The following RGPD3 variants were observed in gnomAD, a reference collection of about 807,000 sequenced individuals.
RGPD3 encodes the protein ranBP2-like and GRIP domain-containing protein 3.
A neutral mutation model predicts 154.5 loss-of-function variants in RGPD3; 62 were observed. That is an observed-to-expected ratio of 0.40 (90% confidence interval 0.33 to 0.50). RGPD3 has a LOEUF of 0.50. Ranked by LOEUF, RGPD3 falls within the 20% of genes least tolerant of loss-of-function variation. RGPD3 has a pLI of 0.59. For missense variants in RGPD3, 919 were observed against 1,716.8 expected, an observed-to-expected ratio of 0.54 and a Z score of 8.21; for synonymous variants, 308 against 607.0, an observed-to-expected ratio of 0.51 and a Z score of 7.24.
chr2:106,428,986 T>A (rs1267487831), intron 18 of RGPD3, among the ~76,000 whole-genome samples: 1 of 151,542 alleles, frequency 6.6e-6, no homozygotes, highest in South Asian at 2.1e-4. Context: ...CTTTTGCACA[T>A]AGCCAACCCA....
chr2:106,448,232 T>A (rs1433282372), intron 6 of RGPD3, among the ~76,000 whole-genome samples: 1 of 152,016 alleles, frequency 6.6e-6, no homozygotes, highest in Admixed American at 6.6e-5. Flanking sequence ...CTCAGCCTCC[T>A]GAGTAGCTGG....
At position 106,413,156 on chromosome 2, in the gene RGPD3, GTC is replaced by G. The variant is rs1209595682; in HGVS notation, c.5192_5193del (p.Arg1731ThrfsTer14). On this transcript the variant is annotated frameshift_variant, in exon 22 of 23. Transcript: ENST00000409886. LOFTEE classifies it high-confidence loss of function. ...AACATCGTATTTATAACAGGAAGAA[GTC>G]TCTCTCTTTCACTACCTGGCTTCAA... ...IFLKPGSERERLLPVINTMLQ... is the reference protein window; with the variant it reads ...IFLKPGSEREXLLPVINTMLQ... 3 of 1,611,656 alleles carry G rather than the reference GTC, an allele frequency of 1.9e-6. No homozygotes were observed. The African/African-American group carries it at 4.0e-5, about 22-fold the overall frequency.
chr2:106,422,849 C>A (rs568402648), intron 20 of RGPD3, among the ~76,000 whole-genome samples, 194 bp downstream of exon 20: 26 of 152,164 alleles, frequency 1.7e-4, no homozygotes, highest in African/African-American at 6.3e-4. Flanking sequence ...ACTGAAATGT[C>A]TTTAACTAAG....
chr2:106,422,998 A>T (rs1480374710), intron 20 of RGPD3, 45 bp downstream of exon 20: 1 of 1,012,120 alleles, frequency 9.9e-7, no homozygotes, highest in Non-Finnish European at 1.5e-6. Context: ...GCTAAACATT[A>T]AAAGAAAGAA....
intron 7 of RGPD3, among the ~76,000 whole-genome samples, chr2:106,442,570 T>C (rs1392817216): frequency 7.6e-6 from 1 of 131,882 alleles, no homozygotes; most frequent in African/African-American, 2.9e-5. Context: ...ATATTAAAAT[T>C]ATTTTATAAA....
At chr2:106,428,651 C>A (rs1397610653) in intron 18 of RGPD3, among the ~76,000 whole-genome samples, 1 of 151,726 alleles carries the variant, frequency 6.6e-6, no homozygotes. Context: ...TCATCTAAAC[C>A]AGATTTTATT....
intron 22 of RGPD3, among the ~76,000 whole-genome samples, chr2:106,406,044 TAA>T (rs1392056422): frequency 5.3e-5 from 8 of 151,606 alleles, no homozygotes; most frequent in African/African-American, 1.9e-4. Flanking sequence ...TTGTTGACGA[TAA>T]GAGGATTTTA....
chr2:106,411,726 G>T (rs574817498), intron 22 of RGPD3, among the ~76,000 whole-genome samples: 3 of 152,198 alleles, frequency 2.0e-5, no homozygotes, highest in African/African-American at 7.2e-5. Flanking sequence ...GCTGAGGCAG[G>T]AGAATCGCTT....
intron 21 of RGPD3, among the ~76,000 whole-genome samples, chr2:106,415,415 C>T (rs942384979): frequency 2.0e-5 from 3 of 152,080 alleles, no homozygotes; most frequent in Non-Finnish European, 4.4e-5. Flanking sequence ...CGGTGGCTCA[C>T]GTCTGTAATA....
intron 21 of RGPD3, among the ~76,000 whole-genome samples, chr2:106,414,411 CAGG>C (rs1362423524): frequency 6.6e-6 from 1 of 152,028 alleles, no homozygotes; most frequent in Non-Finnish European, 1.5e-5. Context: ...ATCACGAGGT[CAGG>C]AGATTTAGAC....
intron 20 of RGPD3, among the ~76,000 whole-genome samples, chr2:106,420,322 C>G (rs1199936892): frequency 1.3e-5 from 2 of 150,744 alleles, no homozygotes; most frequent in Admixed American, 1.3e-4. Context: ...CCCCAGCCAC[C>G]ATTAATGCAA....
At chr2:106,449,466 CAAAA>C (rs1160792236) in intron 6 of RGPD3, among the ~76,000 whole-genome samples, 1 of 56,858 alleles carries the variant, frequency 1.8e-5, no homozygotes. Context: ...AACTCTGTCT[CAAAA>C]AAAAAAAAAA....
At chr2:106,438,392 G>A (rs1331296462) in intron 9 of RGPD3, among the ~76,000 whole-genome samples, 1 of 150,956 alleles carries the variant, frequency 6.6e-6, no homozygotes, top group Non-Finnish European at 1.5e-5. Flanking sequence ...GGAGGCTGAG[G>A]CAAGAGAATC....
intron 4 of RGPD3, among the ~76,000 whole-genome samples, chr2:106,455,154 C>T (rs1405672548): frequency 6.6e-6 from 1 of 152,094 alleles, no homozygotes; most frequent in Admixed American, 6.6e-5. Flanking sequence ...GGCGACAGAG[C>T]AAGACTCTGT....
chr2:106,432,446 C>T (rs1319945547), intron 17 of RGPD3, among the ~76,000 whole-genome samples: 2 of 143,300 alleles, frequency 1.4e-5, no homozygotes, highest in South Asian at 2.4e-4. Flanking sequence ...GAGCGAGCCT[C>T]TGTCTCAAAA....
intron 22 of RGPD3, among the ~76,000 whole-genome samples, chr2:106,412,321 T>TGTTG (rs1272203460): frequency 1.0e-5 from 1 of 99,978 alleles, no homozygotes; most frequent in African/African-American, 3.5e-5. Flanking sequence ...TTTTTTTTTT[T>TGTTG]TTTTTTTTTT....
At chr2:106,415,625 C>T (rs1435828982) in intron 21 of RGPD3, among the ~76,000 whole-genome samples, 4 of 123,830 alleles carry the variant, frequency 3.2e-5, no homozygotes, top group African/African-American at 9.4e-5. Context: ...TGTAGTGAGC[C>T]GGGATCGTGC....
intron 1 of RGPD3, among the ~76,000 whole-genome samples, chr2:106,465,934 C>A (rs1177876078): frequency 6.6e-6 from 1 of 151,858 alleles, no homozygotes; most frequent in African/African-American, 2.4e-5. Context: ...CCTTGTCACT[C>A]GACGCAGCCG....
Position 106,424,775 on chromosome 2 carries a change from C to A in RGPD3, c.3192G>T (p.Gly1064=). The change falls in exon 20 of 23, where the codon GGG becomes GGT. Residue 1064 remains glycine, a synonymous_variant. Coordinates refer to ENST00000409886, the MANE Select transcript of RGPD3 (RefSeq NM_001144013.2). ...CAGCATCAAATCTAAATAGTTTTAC[C>A]CCCTGTGAATACAGAACTTTTTCAC... is the stretch of plus-strand genomic sequence containing the variant. ...EEGEKVLYSQ[G]VKLFRFDAEV... 1.9e-6 allele frequency: 3 copies of A among 1,611,742 alleles called. No homozygotes were observed. The highest frequency in any genetic ancestry group is 2.5e-6 in the Non-Finnish European group (3 of 1,179,812).
Sources: allele counts gnomAD v4.1 joint callset (sites outside exome capture counted in the v4.1 genomes callset), GRCh38; gene constraint gnomAD v4.1.1; transcripts MANE v1.5; gene names NCBI Gene and HGNC (gene_info 2026-07-23, HGNC 2026-07-21).